The following RABGAP1L variants were observed in gnomAD, a reference collection of about 807,000 sequenced individuals.
The protein encoded by RABGAP1L is rab GTPase-activating protein 1-like.
Under a neutral mutation model 137.7 loss-of-function variants are expected in RABGAP1L, and 63 were observed. The observed-to-expected ratio is 0.46, with a 90% CI of 0.37 to 0.56. RABGAP1L has a LOEUF of 0.56. Ranked by LOEUF, RABGAP1L falls within the 20% of genes least tolerant of loss-of-function variation. The pLI, the probability that RABGAP1L is intolerant of heterozygous loss-of-function variation, is 0.00. For missense variants in RABGAP1L, 1,095 were observed against 1,244.0 expected (o/e 0.88, Z 1.80); for synonymous variants, 431 against 433.7 (o/e 0.99, Z 0.08).
intron 13 of RABGAP1L, among the ~76,000 whole-genome samples, chr1:174,578,215 C>T (rs939526942): frequency 1.3e-5 from 2 of 152,140 alleles, no homozygotes; most frequent in Admixed American, 1.3e-4. Flanking sequence ...GAGACAGTCT[C>T]ACTCTGACAC....
intron 19 of RABGAP1L, among the ~76,000 whole-genome samples, chr1:174,914,922 T>C (rs1335135995): frequency 1.3e-5 from 2 of 152,260 alleles, no homozygotes; most frequent in Non-Finnish European, 2.9e-5. Context: ...CTTTTGTACT[T>C]GGCTTCTTTT....
intron 13 of RABGAP1L, among the ~76,000 whole-genome samples, chr1:174,600,140 T>G (rs564884180): frequency 1.8e-4 from 27 of 152,126 alleles, no homozygotes; most frequent in Admixed American, 1.7e-3. Context: ...CAGAAACCCC[T>G]GATAAACCCA....
intron 19 of RABGAP1L, among the ~76,000 whole-genome samples, chr1:174,870,606 C>G (rs1323890535): frequency 1.3e-5 from 2 of 152,056 alleles, no homozygotes; most frequent in African/African-American, 4.8e-5. Context: ...CAAAACTTCT[C>G]CATATTTTAA....
intron 1 of RABGAP1L, among the ~76,000 whole-genome samples, chr1:174,182,276 GCTTT>G (rs1241650832): frequency 1.3e-5 from 2 of 152,322 alleles, no homozygotes; most frequent in Non-Finnish European, 2.9e-5. Flanking sequence ...TGAAGCATAG[GCTTT>G]CTAAGCTAAT....
intron 11 of RABGAP1L, among the ~76,000 whole-genome samples, chr1:174,318,199 G>A (rs1679577512): frequency 1.3e-5 from 2 of 152,074 alleles, no homozygotes; most frequent in South Asian, 4.1e-4. Flanking sequence ...GGGACAATTG[G>A]TGAAGCTTTC....
intron 13 of RABGAP1L, among the ~76,000 whole-genome samples, chr1:174,572,588 G>T (rs1381249891): frequency 6.6e-6 from 1 of 151,986 alleles, no homozygotes; most frequent in East Asian, 1.9e-4. Context: ...TCACTGTATT[G>T]GCCAGGCTGG....
At chr1:174,423,975 C>G (rs1285400219) in intron 13 of RABGAP1L, among the ~76,000 whole-genome samples, 2 of 151,952 alleles carry the variant, frequency 1.3e-5, no homozygotes, top group Non-Finnish European at 2.9e-5. Flanking sequence ...CAAGTTAGCC[C>G]CCTTGTTTCT....
At chr1:174,486,765 G>A (rs1161970174) in intron 13 of RABGAP1L, among the ~76,000 whole-genome samples, 1 of 151,986 alleles carries the variant, frequency 6.6e-6, no homozygotes, top group African/African-American at 2.4e-5. Flanking sequence ...CTTTTTTGAT[G>A]TAAGCTCTTA....
At chr1:174,807,114 A>C (rs1211129293) in intron 18 of RABGAP1L, among the ~76,000 whole-genome samples, 2 of 152,190 alleles carry the variant, frequency 1.3e-5, no homozygotes, top group Admixed American at 1.3e-4. Flanking sequence ...TAACAAAATA[A>C]TATGTATAGG....
intron 17 of RABGAP1L, among the ~76,000 whole-genome samples, chr1:174,720,164 AG>A (rs1430485807): frequency 6.6e-6 from 1 of 152,198 alleles, no homozygotes; most frequent in African/African-American, 2.4e-5. Context: ...ATTTTCAACA[AG>A]GATGCCAAGA....
At chr1:174,756,007 T>C (rs1182373395) in intron 18 of RABGAP1L, among the ~76,000 whole-genome samples, 5 of 152,188 alleles carry the variant, frequency 3.3e-5, no homozygotes, top group Non-Finnish European at 4.4e-5. Context: ...GGGGGAATAT[T>C]AGTAATACCA....
chr1:174,555,878 T>C (rs1666847378), intron 13 of RABGAP1L, among the ~76,000 whole-genome samples: 2 of 152,092 alleles, frequency 1.3e-5, no homozygotes, highest in South Asian at 2.1e-4. Context: ...GAGTGCAAAG[T>C]TCATCACAGT....
At chr1:174,306,786 A>G (rs571072629) in intron 11 of RABGAP1L, among the ~76,000 whole-genome samples, 1 of 152,266 alleles carries the variant, frequency 6.6e-6, no homozygotes, top group Non-Finnish European at 1.5e-5. Flanking sequence ...CACATATCAT[A>G]TGGCTCTGTG....
At chr1:174,806,648 A>G (rs963125179) in intron 18 of RABGAP1L, among the ~76,000 whole-genome samples, 1 of 152,212 alleles carries the variant, frequency 6.6e-6, no homozygotes, top group African/African-American at 2.4e-5. Context: ...TAGTGCTAGG[A>G]TGGTGAGATA....
At chr1:174,295,747 G>C (rs1677075643) in intron 10 of RABGAP1L, among the ~76,000 whole-genome samples, 1 of 149,966 alleles carries the variant, frequency 6.7e-6, no homozygotes, top group Admixed American at 6.7e-5. Flanking sequence ...TCAAACACCT[G>C]AGCTCAAGTG....
intron 13 of RABGAP1L, among the ~76,000 whole-genome samples, chr1:174,538,312 T>C (rs1358523319): frequency 6.6e-6 from 1 of 152,234 alleles, no homozygotes; most frequent in Non-Finnish European, 1.5e-5. Flanking sequence ...TGTAAATCTC[T>C]TCTAAATTTT....
At chr1:174,662,632 G>C (rs983693584) in intron 14 of RABGAP1L, among the ~76,000 whole-genome samples, 11 of 152,098 alleles carry the variant, frequency 7.2e-5, no homozygotes, top group African/African-American at 2.7e-4. Flanking sequence ...GACCTCAAAT[G>C]ATCTGCCTGC....
At chr1:174,529,251 A>G (rs147640380) in intron 13 of RABGAP1L, among the ~76,000 whole-genome samples, 3,201 of 152,144 alleles carry the variant, frequency 0.021, 120 homozygotes, top group African/African-American at 0.074. Context: ...TACATCTCAT[A>G]TAACAGTCGC....
chr1:174,792,102 G>C (rs1210870947), intron 18 of RABGAP1L, among the ~76,000 whole-genome samples: 1 of 152,214 alleles, frequency 6.6e-6, no homozygotes, highest in Non-Finnish European at 1.5e-5. Context: ...TCTGTGCTCT[G>C]AATATCTTGG....
Sources: gnomAD v4.1 joint callset for allele counts (sites outside exome capture counted in the v4.1 genomes callset) on GRCh38, gnomAD v4.1.1 for gene constraint, MANE v1.5 for transcripts, NCBI Gene and HGNC (gene_info 2026-07-23, HGNC 2026-07-21) for gene names.